TYW1B: variants seen among roughly 807,000 people sequenced by gnomAD.
TYW1B encodes tRNA-yW synthesizing protein 1 homolog B.
Under a neutral mutation model 86.9 loss-of-function variants are expected in TYW1B, and 73 were observed. That is an observed-to-expected ratio of 0.84 (90% CI 0.70 to 1.02). The LOEUF (loss-of-function observed/expected upper bound fraction) is 1.02, where lower values mean the gene tolerates loss of function less well. Ranked by LOEUF, TYW1B falls within the 50% of genes least tolerant of loss-of-function variation. The pLI is 0.00. For synonymous variants in TYW1B, 248 were observed against 292.8 expected, an observed-to-expected ratio of 0.85 and a Z score of 1.56; for missense variants, 637 against 827.4, an observed-to-expected ratio of 0.77 and a Z score of 2.82.
chr7:72,675,334 G>C (rs1554447184), intron 11 of TYW1B, among the ~76,000 whole-genome samples: 1 of 151,996 alleles, frequency 6.6e-6, no homozygotes, highest in African/African-American at 2.4e-5. Flanking sequence ...AGGAGGTGGA[G>C]GTTGCAGTGA....
intron 10 of TYW1B, among the ~76,000 whole-genome samples, chr7:72,704,654 C>CA (rs1424846793): frequency 6.6e-6 from 1 of 151,610 alleles, no homozygotes; most frequent in Non-Finnish European, 1.5e-5. Flanking sequence ...TTTTGACCAA[C>CA]ATTACTTAGC....
At chr7:72,813,073 T>C (rs1554478693) in intron 3 of TYW1B, among the ~76,000 whole-genome samples, 1 of 152,034 alleles carries the variant, frequency 6.6e-6, no homozygotes, top group African/African-American at 2.4e-5. Flanking sequence ...GTTTTGTGCC[T>C]CAGTGGCAAA....
In TYW1B at chr7:72,616,747, C is replaced by T; in HGVS notation, c.1710G>A (p.Leu570=). The T allele has an allele frequency of 6.2e-7, 1 of 1,614,222 alleles. No individual in the cohort carries two copies. The highest frequency in any genetic ancestry group is 8.5e-7 in the Non-Finnish European group (1 of 1,180,046). Residue 570 remains leucine, a synonymous_variant, in exon 13 of 14, where the codon CTG becomes CTA. Coordinates refer to ENST00000620995, the MANE Select transcript of TYW1B (RefSeq NM_001145440.3). ...TTTCATATTCGGGGATCAGATCCAC[C>T]AGCTCGCGGACAAACTGTACCACTT... The part of the protein sequence containing the change: ...HEEVVQFVRE[L]VDLIPEYEIA...
chr7:72,680,315 T>C (rs1813838373), intron 11 of TYW1B, among the ~76,000 whole-genome samples: 1 of 152,120 alleles, frequency 6.6e-6, no homozygotes, highest in Non-Finnish European at 1.5e-5. Context: ...CACCATCTAA[T>C]CAGCTGCCAG....
chr7:72,667,526 C>T (rs1276721433), intron 11 of TYW1B, among the ~76,000 whole-genome samples: 1 of 152,048 alleles, frequency 6.6e-6, no homozygotes, highest in Non-Finnish European at 1.5e-5. Flanking sequence ...AGAGGCTGGG[C>T]AACACGGCAA....
At chr7:72,718,599 T>A (rs1786834982) in intron 9 of TYW1B, among the ~76,000 whole-genome samples, 2 of 152,090 alleles carry the variant, frequency 1.3e-5, no homozygotes, top group Non-Finnish European at 2.9e-5. Context: ...ATTGTAAGAA[T>A]GTATTTCGTG....
In TYW1B at chr7:72,603,124, GGATGGATGGATA is replaced by G. The variant is rs1246443361; in HGVS notation, c.1785+13536_1785+13547del. On this transcript the variant is annotated intron_variant, in intron 13 of 13. Transcript: ENST00000620995. ...TGGATGGATGGATGGATGGATGGAT[GGATGGATGGATA>G]GATGGATGGACAGATGGATAGATGA... Among the ~76,000 whole-genome samples, 6 of 128,082 alleles carry G rather than the reference GGATGGATGGATA, an allele frequency of 4.7e-5. No homozygotes were observed. The East Asian group carries it at 1.3e-3, about 29-fold the overall frequency. The allele number at this position is 128,082 out of a possible 152,430, so 84.0% of individuals were successfully genotyped here. A position where few individuals can be genotyped will look rare whatever the true frequency, so the allele number is the denominator to read the frequency against.
intron 2 of TYW1B, among the ~76,000 whole-genome samples, chr7:72,824,471 T>TGC (rs1788893390): frequency 6.6e-6 from 1 of 152,086 alleles, no homozygotes; most frequent in Admixed American, 6.6e-5. Context: ...CTGGGAGCGG[T>TGC]GCCTCACGCC....
intron 6 of TYW1B, 110 bp from the exon 7 acceptor site, chr7:72,777,643 T>C (rs183430875): frequency 8.8e-6 from 12 of 1,358,678 alleles, no homozygotes; most frequent in Non-Finnish European, 1.2e-5. Flanking sequence ...AGGCTGGGCA[T>C]AGTGGCTCAC....
intron 8 of TYW1B, among the ~76,000 whole-genome samples, chr7:72,738,690 C>A (rs35841179): frequency 1.2e-4 from 18 of 152,134 alleles, no homozygotes; most frequent in African/African-American, 4.1e-4. Flanking sequence ...TGAGAACCAC[C>A]GATTTAACAG....
intron 7 of TYW1B, among the ~76,000 whole-genome samples, chr7:72,750,891 G>C (rs1554464942): frequency 2.6e-5 from 4 of 152,122 alleles, no homozygotes; most frequent in Non-Finnish European, 5.9e-5. Context: ...TCATGTCAGT[G>C]CTCAAAACAT....
At chr7:72,619,426 G>C (rs1469408844) in intron 12 of TYW1B, among the ~76,000 whole-genome samples, 1 of 152,010 alleles carries the variant, frequency 6.6e-6, no homozygotes, top group African/African-American at 2.4e-5. Flanking sequence ...TGGATCATGA[G>C]GTCAGGAGAT....
chr7:72,786,391 C>T (rs1160075318), intron 6 of TYW1B, among the ~76,000 whole-genome samples: 1 of 151,922 alleles, frequency 6.6e-6, no homozygotes, highest in African/African-American at 2.4e-5. Context: ...CTGCTTAAAG[C>T]TCATAAAGCC....
intron 7 of TYW1B, among the ~76,000 whole-genome samples, chr7:72,750,818 T>C (rs1554464927): frequency 6.6e-6 from 1 of 152,170 alleles, no homozygotes; most frequent in Non-Finnish European, 1.5e-5. Flanking sequence ...TACTTACTGG[T>C]TGTGCATCTT....
At chr7:72,693,729 C>T (rs563700291) in intron 11 of TYW1B, among the ~76,000 whole-genome samples, 2 of 152,098 alleles carry the variant, frequency 1.3e-5, no homozygotes, top group South Asian at 2.1e-4. Context: ...TACGTACAGT[C>T]GGTCCTTCAT....
chr7:72,597,595 G>A (rs1164565106), intron 13 of TYW1B, among the ~76,000 whole-genome samples: 3 of 151,782 alleles, frequency 2.0e-5, no homozygotes, highest in Admixed American at 6.6e-5. Flanking sequence ...ACCCGATCTC[G>A]GCTGAACTAG....
intron 11 of TYW1B, among the ~76,000 whole-genome samples, chr7:72,660,179 C>G (rs1554444260): frequency 6.6e-6 from 1 of 152,050 alleles, no homozygotes; most frequent in Admixed American, 6.6e-5. Flanking sequence ...GACCTACCTG[C>G]ACAACATAGC....
intron 2 of TYW1B, among the ~76,000 whole-genome samples, chr7:72,826,498 A>G (rs533742148): frequency 8.0e-4 from 122 of 152,268 alleles, no homozygotes; most frequent in Non-Finnish European, 1.5e-3. Context: ...TTTATCCTAT[A>G]AGGTATTTTA....
At chr7:72,802,577 T>A (rs1356275743) in intron 5 of TYW1B, 55 bp from the exon 6 acceptor site, 7 of 1,601,978 alleles carry the variant, frequency 4.4e-6, no homozygotes, top group Admixed American at 1.7e-5. Context: ...GGCAAAGTTC[T>A]CTCACCCTCC....
Sources: allele counts gnomAD v4.1 joint callset (sites outside exome capture counted in the v4.1 genomes callset), GRCh38; gene constraint gnomAD v4.1.1; transcripts MANE v1.5; gene names NCBI Gene and HGNC (gene_info 2026-07-23, HGNC 2026-07-21).